The following PCDHGA9 variants were observed in gnomAD, a reference collection of about 807,000 sequenced individuals.
The protein encoded by PCDHGA9 is protocadherin gamma subfamily A, 9, also known as protocadherin gamma-A9.
A neutral mutation model predicts 62.5 loss-of-function variants in PCDHGA9; 37 were observed. That is an observed-to-expected ratio of 0.59 (90% CI 0.46 to 0.78). The LOEUF (loss-of-function observed/expected upper bound fraction) is 0.78, where lower values mean the gene tolerates loss of function less well. Ranked by LOEUF, PCDHGA9 falls within the 30% of genes least tolerant of loss-of-function variation. PCDHGA9 has a pLI of 0.00. For synonymous variants in PCDHGA9, 459 were observed against 484.6 expected, an observed-to-expected ratio of 0.95 and a Z score of 0.69; for missense variants, 1,138 against 1,166.2, an observed-to-expected ratio of 0.98 and a Z score of 0.35.
Position 141,404,628 on chromosome 5 carries a change from C to T in PCDHGA9, c.1676C>T (p.Ala559Val), listed in dbSNP as rs1183309479. The T allele has an allele frequency of 1.2e-6, 2 of 1,614,100 alleles. No homozygotes were observed. Among genetic ancestry groups the T allele is most frequent in the Non-Finnish European group, 1.7e-6 (2 of 1,179,994 alleles). ...RLFVLDQNDN[A>V]PEILYPALPT... ...TTTGTTTTGGACCAGAATGACAATG[C>T]CCCAGAAATCCTGTACCCTGCCCTC... The change falls in exon 1 of 4, where the codon GCC becomes GTC. Residue 559 changes from alanine (A) to valine (V), a missense_variant. Physicochemically the swap from Ala to Val is moderately conservative, Grantham distance 64. Coordinates refer to ENST00000573521, the MANE Select transcript of PCDHGA9 (RefSeq NM_018921.3).
At position 141,491,894 on chromosome 5, in the gene PCDHGA9, C is replaced by T. The variant is rs1209251388; in HGVS notation, c.2425-2913C>T. The T allele has an allele frequency of 1.5e-5, 22 of 1,434,752 alleles. No individual in the cohort carries two copies. Among genetic ancestry groups the T allele is most frequent in the Admixed American group, 2.9e-5 (1 of 34,278 alleles). 88.9% of individuals were successfully genotyped at this position (1,434,752 alleles called of 1,614,324 possible). The stretch of plus-strand genomic sequence containing the variant: ...GCCGATTAAGGGATGGGGCTCCGAG[C>T]ACCGGGGGTGGTGGCGACTGTGGGC... On this transcript the variant is annotated intron_variant, in intron 1 of 3. Transcript: ENST00000573521. The surrounding 1 kb of genome is among the most constrained non-coding windows in gnomAD (Gnocchi z 6.9).
chr5:141,456,550 C>T (rs1017343381), intron 1 of PCDHGA9, among the ~76,000 whole-genome samples: 2 of 152,166 alleles, frequency 1.3e-5, no homozygotes, highest in African/African-American at 4.8e-5. Context: ...TGTAGCCACT[C>T]GGGGCTGAAG....
At chr5:141,427,845 G>C in intron 1 of PCDHGA9, 1 of 1,550,582 alleles carries the variant, frequency 6.4e-7, no homozygotes, top group Non-Finnish European at 8.8e-7. Context: ...CTTCGACCAC[G>C]AGCAGCTGTG....
At chr5:141,478,506 ATAGGCAGGTGTTGGG>A in intron 1 of PCDHGA9, 1 of 1,612,314 alleles carries the variant, frequency 6.2e-7, no homozygotes, top group Non-Finnish European at 8.5e-7. Context: ...CCGGTGTTCT[ATAGGCAGGTGTTGGG>A]TGCAGAGAGC....
Position 141,430,120 on chromosome 5 carries a change from G to A in PCDHGA9, c.2424+24744G>A, listed in dbSNP as rs73280905. Among the ~76,000 whole-genome samples, 1,257 of 152,134 alleles carry A rather than the reference G, an allele frequency of 8.3e-3. 17 individuals are homozygous for A. Among genetic ancestry groups the A allele is most frequent in the African/African-American group, 0.029 (1,193 of 41,506 alleles). Reference sequence around the variant, plus strand: ...TTAAGCGTTACATGTCAACAACCTGGTAAAGTAATCCTTCCATTCAGGATC... The same window carrying A: ...TTAAGCGTTACATGTCAACAACCTGATAAAGTAATCCTTCCATTCAGGATC... On this transcript the variant is annotated intron_variant, in intron 1 of 3. Coordinates refer to ENST00000573521, the MANE Select transcript of PCDHGA9 (RefSeq NM_018921.3).
chr5:141,421,515 CTG>C, intron 1 of PCDHGA9: 1 of 1,614,080 alleles, frequency 6.2e-7, no homozygotes, highest in Non-Finnish European at 8.5e-7. Context: ...GGGAGGAGCT[CTG>C]TGAGACGGTG....
intron 1 of PCDHGA9, among the ~76,000 whole-genome samples, chr5:141,435,500 A>G (rs896915416): frequency 6.6e-6 from 1 of 152,176 alleles, no homozygotes; most frequent in African/African-American, 2.4e-5. Context: ...TCCTACACTA[A>G]TGATACTAAT....
Position 141,493,477 on chromosome 5 carries a change from G to A in PCDHGA9, c.2425-1330G>A, listed in dbSNP as rs1657824440. On this transcript the variant is annotated intron_variant, in intron 1 of 3. Transcript: ENST00000573521. This position sits in a 1 kb window ranked among gnomAD's most constrained non-coding sequence, Gnocchi z 4.3. ...TTCCCTTTTAGGACCTTACATGTGG[G>A]GAAAGTCTTCTGTGGCTCCTCATTT... is the stretch of plus-strand genomic sequence containing the variant. Among the ~76,000 whole-genome samples, 3 of 152,124 alleles carry A rather than the reference G, an allele frequency of 2.0e-5. No individual in the cohort carries two copies. The highest frequency in any genetic ancestry group is 6.5e-5 in the Admixed American group (1 of 15,272).
rs768648952 is a variant in PCDHGA9 at position 141,477,230 on chromosome 5, G to C, written c.2425-17577G>C. 6.2e-7 allele frequency: 1 copy of C among 1,614,046 alleles called. No homozygotes were observed. Among genetic ancestry groups the C allele is most frequent in the East Asian group, 2.2e-5 (1 of 44,890 alleles). ...GGATGCCCCTCTGGGGACTGTCATC[G>C]CTTTGCTCAGTGTGACTGACCTGGA... On this transcript the variant is annotated intron_variant, in intron 1 of 3. Transcript: ENST00000573521. The surrounding 1 kb of genome is among the most constrained non-coding windows in gnomAD (Gnocchi z 4.9).
chr5:141,458,567 TTTTG>T (rs144471304), intron 1 of PCDHGA9, among the ~76,000 whole-genome samples: 42,006 of 151,504 alleles, frequency 0.28, 6,493 homozygotes, highest in African/African-American at 0.43. Context: ...GGTTTTGGGT[TTTTG>T]TTTGTTTGTT....
intron 1 of PCDHGA9, chr5:141,430,556 C>A (rs1479639096): frequency 9.7e-6 from 4 of 413,394 alleles, no homozygotes; most frequent in African/African-American, 2.1e-5. Flanking sequence ...GTTCACCAAT[C>A]GGGGAGAGAA....
At chr5:141,499,136 G>A (rs1488844131) in intron 2 of PCDHGA9, among the ~76,000 whole-genome samples, 1 of 152,100 alleles carries the variant, frequency 6.6e-6, no homozygotes, top group Non-Finnish European at 1.5e-5. Flanking sequence ...CATCCTTTGG[G>A]TGTCTGATCC....
At chr5:141,479,206 T>C (rs987807222) in intron 1 of PCDHGA9, 3 of 152,400 alleles carry the variant, frequency 2.0e-5, no homozygotes, top group African/African-American at 7.2e-5. Context: ...CAGAAAAGTA[T>C]TTAAAAAATT....
intron 1 of PCDHGA9, chr5:141,422,082 G>A (rs2096622921): frequency 6.2e-7 from 1 of 1,612,284 alleles, no homozygotes; most frequent in East Asian, 2.2e-5. Context: ...TTCGGAACAT[G>A]GAAAGCAAGG....
At chr5:141,472,017 T>C (rs2154571143) in intron 1 of PCDHGA9, among the ~76,000 whole-genome samples, 1 of 152,290 alleles carries the variant, frequency 6.6e-6, no homozygotes, top group South Asian at 2.1e-4. Context: ...GGGCACTATA[T>C]TGTATGTAGA....
chr5:141,415,848 A>C (rs1222834072), intron 1 of PCDHGA9: 1 of 1,241,178 alleles, frequency 8.1e-7, no homozygotes, highest in Non-Finnish European at 1.0e-6. Context: ...GCTTTGCAGA[A>C]CCTTGTAGTT....
chr5:141,463,438 CTTTTTTTT>C (rs71576115), intron 1 of PCDHGA9, among the ~76,000 whole-genome samples: 7 of 103,252 alleles, frequency 6.8e-5, no homozygotes, highest in East Asian at 2.4e-4. Flanking sequence ...TTTCCTTCTC[CTTTTTTTT>C]TTTTTTTTTT....
chr5:141,448,903 C>A (rs1460471063), intron 1 of PCDHGA9, among the ~76,000 whole-genome samples: 2 of 152,112 alleles, frequency 1.3e-5, no homozygotes, highest in Non-Finnish European at 2.9e-5. Context: ...CGAGATCGTG[C>A]CACTGCACTC....
intron 1 of PCDHGA9, chr5:141,419,090 G>T: frequency 6.2e-7 from 1 of 1,613,922 alleles, no homozygotes; most frequent in Non-Finnish European, 8.5e-7. Flanking sequence ...TGAGGCCCTG[G>T]ATCGGGAGCA....
Sources: allele counts gnomAD v4.1 joint callset (sites outside exome capture counted in the v4.1 genomes callset), GRCh38; gene constraint gnomAD v4.1.1; non-coding constraint Gnocchi (gnomAD v3.1); transcripts MANE v1.5; gene names NCBI Gene and HGNC (gene_info 2026-07-23, HGNC 2026-07-21).